Variants in ZNF469 observed in about 807,000 individuals in gnomAD.
ZNF469 encodes zinc finger protein 469.
ZNF469 carries 1 observed loss-of-function variant against 1.0 expected under a neutral mutation model. The ratio of observed to expected loss-of-function variants is 1.00; its 90% CI spans 0.35 to 4.73. The LOEUF (loss-of-function observed/expected upper bound fraction) is 4.73, where lower values mean the gene tolerates loss of function less well. ZNF469 is among the 30% of genes most tolerant of loss of function. The pLI is 0.16. For missense variants in ZNF469, 6,100 were observed against 5,356.3 expected, an observed-to-expected ratio of 1.14 and a Z score of -4.33; for synonymous variants, 2,703 against 2,363.4, an observed-to-expected ratio of 1.14 and a Z score of -4.17.
chr16:88,394,314 G>A (rs1255907366), intron 1 of ZNF469, among the ~76,000 whole-genome samples: 5 of 152,208 alleles, frequency 3.3e-5, no homozygotes, highest in South Asian at 2.1e-4. Context: ...TGTGCTGTCC[G>A]AGAGGGGTGG....
chr16:88,110,885 T>C, the ZNF469 span, among the ~76,000 whole-genome samples: 1 of 152,214 alleles, frequency 6.6e-6, no homozygotes. Context: ...GCAGCCGGGC[T>C]CTGTGGGGCC....
chr16:88,343,904 G>A, the ZNF469 span, among the ~76,000 whole-genome samples: 8 of 152,140 alleles, frequency 5.3e-5, no homozygotes, highest in African/African-American at 1.9e-4. Context: ...GAGAGGGACT[G>A]CACAGTGGAG....
chr16:88,268,261 C>G, the ZNF469 span, among the ~76,000 whole-genome samples: 2 of 152,160 alleles, frequency 1.3e-5, no homozygotes, highest in Non-Finnish European at 2.9e-5. Flanking sequence ...TCGCTGGTGT[C>G]TTAAGTCTCT....
upstream of ZNF469, among the ~76,000 whole-genome samples, chr16:88,380,442 G>A (rs1482908428): frequency 1.2e-5 from 1 of 80,656 alleles, no homozygotes; most frequent in Admixed American, 1.4e-4. Context: ...CACATACACA[G>A]TCACACACAG....
the ZNF469 span, among the ~76,000 whole-genome samples, chr16:88,371,713 C>A: frequency 3.3e-5 from 5 of 152,092 alleles, no homozygotes; most frequent in Admixed American, 3.3e-4. Flanking sequence ...AGCCAGCCAC[C>A]AACATCACAG....
At chr16:88,119,637 G>A in the ZNF469 span, among the ~76,000 whole-genome samples, 8 of 152,316 alleles carry the variant, frequency 5.3e-5, no homozygotes, top group East Asian at 7.7e-4. Flanking sequence ...CACAGGTGCC[G>A]GAAGCTTTTC....
At chr16:88,350,788 G>C in the ZNF469 span, among the ~76,000 whole-genome samples, 2 of 152,226 alleles carry the variant, frequency 1.3e-5, no homozygotes, top group African/African-American at 2.4e-5. Context: ...GGCTCTGAAG[G>C]CAGAGGACCC....
the ZNF469 span, among the ~76,000 whole-genome samples, chr16:88,284,356 C>G: frequency 6.6e-6 from 1 of 152,216 alleles, no homozygotes; most frequent in South Asian, 2.1e-4. Flanking sequence ...AGTGGATGGT[C>G]TCTTCGACCG....
the ZNF469 span, among the ~76,000 whole-genome samples, chr16:88,206,104 A>G: frequency 6.6e-6 from 1 of 152,176 alleles, no homozygotes; most frequent in African/African-American, 2.4e-5. Context: ...CGTGTTTTCC[A>G]TGATCTCTCA....
chr16:88,253,218 T>C, the ZNF469 span, among the ~76,000 whole-genome samples: 3 of 152,244 alleles, frequency 2.0e-5, no homozygotes, highest in African/African-American at 7.2e-5. Context: ...ATTTCTCTTA[T>C]GTGCCTACCT....
At chr16:88,288,424 A>G in the ZNF469 span, among the ~76,000 whole-genome samples, 5 of 152,084 alleles carry the variant, frequency 3.3e-5, no homozygotes, top group African/African-American at 1.2e-4. Context: ...CCCCATTTTT[A>G]TTGCCAAGAA....
Position 88,432,780 on chromosome 16 carries a change from T to G in ZNF469, c.5310T>G (p.Cys1770Trp), listed in dbSNP as rs1306064527. 4 of 1,550,348 alleles carry G rather than the reference T, an allele frequency of 2.6e-6. No individual in the cohort carries two copies. Among genetic ancestry groups the G allele is most frequent in the South Asian group, 2.4e-5 (2 of 84,062 alleles). Reference protein sequence around the residue: ...ESEDSLRLLPCEQRGGFLPEP... With the variant: ...ESEDSLRLLPWEQRGGFLPEP... ...AAGACTCCCTGCGGCTGCTTCCCTG[T>G]GAACAGAGAGGAGGGTTCCTCCCAG... Residue 1770 changes from cysteine to tryptophan, a missense_variant, in exon 3 of 3, where the codon TGT becomes TGG. Physicochemically the swap from Cys to Trp is radical, Grantham distance 215. Transcript: ENST00000565624.
At chr16:88,376,567 C>T in the ZNF469 span, among the ~76,000 whole-genome samples, 9 of 152,226 alleles carry the variant, frequency 5.9e-5, no homozygotes, top group Non-Finnish European at 8.8e-5. Context: ...GGGGTTCCCG[C>T]GGCCGGCCGG....
chr16:88,117,276 C>T, the ZNF469 span, among the ~76,000 whole-genome samples: 2 of 151,558 alleles, frequency 1.3e-5, no homozygotes, highest in Admixed American at 1.3e-4. Flanking sequence ...GAGCTGGGGG[C>T]ATGTGAGGGC....
At chr16:88,274,342 A>G in the ZNF469 span, among the ~76,000 whole-genome samples, 1 of 152,246 alleles carries the variant, frequency 6.6e-6, no homozygotes, top group Non-Finnish European at 1.5e-5. Flanking sequence ...TGATTGCACA[A>G]TGCCGGAAAC....
At chr16:88,246,016 T>A in the ZNF469 span, among the ~76,000 whole-genome samples, 3,968 of 149,394 alleles carry the variant, frequency 0.027, no homozygotes, top group African/African-American at 0.09. Context: ...CTGGGCGCCA[T>A]GCAAAGTTTA....
At chr16:88,334,355 T>G in the ZNF469 span, among the ~76,000 whole-genome samples, 4 of 152,066 alleles carry the variant, frequency 2.6e-5, no homozygotes, top group Non-Finnish European at 5.9e-5. Context: ...CCAGAAGTGT[T>G]TTGGTTTTGA....
the ZNF469 span, among the ~76,000 whole-genome samples, chr16:88,182,138 A>G: frequency 6.6e-6 from 1 of 152,212 alleles, no homozygotes; most frequent in African/African-American, 2.4e-5. Flanking sequence ...AACATCACAA[A>G]CATGAAATAC....
the ZNF469 span, among the ~76,000 whole-genome samples, chr16:88,140,990 A>G: frequency 2.0e-5 from 3 of 152,170 alleles, no homozygotes; most frequent in Non-Finnish European, 2.9e-5. Context: ...GCCCTTTACA[A>G]GAGAATTTAA....
Sources: gnomAD v4.1 joint callset for allele counts (sites outside exome capture counted in the v4.1 genomes callset) on GRCh38, gnomAD v4.1.1 for gene constraint, MANE v1.5 for transcripts, NCBI Gene and HGNC (gene_info 2026-07-23, HGNC 2026-07-21) for gene names.